Variants in CACNA1C observed in about 807,000 individuals in gnomAD.
CACNA1C encodes calcium voltage-gated channel subunit alpha1 C.
A neutral mutation model predicts 229.0 loss-of-function variants in CACNA1C; 30 were observed. The ratio of observed to expected loss-of-function variants is 0.13; its 90% confidence interval spans 0.10 to 0.18. The LOEUF (loss-of-function observed/expected upper bound fraction) is 0.18. CACNA1C is among the 10% of genes least tolerant of loss of function. The pLI is 1.00. For synonymous variants in CACNA1C, 1,114 were observed against 1,132.5 expected, an observed-to-expected ratio of 0.98 and a Z score of 0.33; for missense variants, 1,658 against 2,845.0, an observed-to-expected ratio of 0.58 and a Z score of 9.49.
chr12:2,238,915 A>G (rs961822438), intron 3 of CACNA1C, among the ~76,000 whole-genome samples: 1 of 152,216 alleles, frequency 6.6e-6, no homozygotes, highest in African/African-American at 2.4e-5. Flanking sequence ...TCCTTGGCTT[A>G]TTAAATGTCT....
chr12:2,071,403 A>T (rs910588027), intron 1 of CACNA1C, among the ~76,000 whole-genome samples: 2 of 151,620 alleles, frequency 1.3e-5, no homozygotes, highest in Non-Finnish European at 2.9e-5. Context: ...TTTTTAGTAG[A>T]GATGAGATGA....
chr12:2,242,605 G>C (rs1371086216), intron 3 of CACNA1C, among the ~76,000 whole-genome samples: 1 of 152,188 alleles, frequency 6.6e-6, no homozygotes, highest in African/African-American at 2.4e-5. Flanking sequence ...CTCTACTTCA[G>C]GGAGTCTTCC....
chr12:2,107,763 C>G (rs2079732897), intron 1 of CACNA1C, among the ~76,000 whole-genome samples: 1 of 152,204 alleles, frequency 6.6e-6, no homozygotes. Context: ...AGAAAATCCA[C>G]CCACCCATCA....
intron 1 of CACNA1C, among the ~76,000 whole-genome samples, chr12:1,990,087 TTAAGG>T (rs1310043591): frequency 6.6e-6 from 1 of 152,246 alleles, no homozygotes; most frequent in Non-Finnish European, 1.5e-5. Flanking sequence ...GGTCTCGAAG[TTAAGG>T]TTTCTTGGTT....
intron 30 of CACNA1C, among the ~76,000 whole-genome samples, chr12:2,642,800 T>G (rs148167629): frequency 2.3e-3 from 344 of 152,358 alleles, no homozygotes; most frequent in African/African-American, 7.9e-3. Context: ...TTGGTTGGTT[T>G]GTTTGAATGA....
intron 3 of CACNA1C, chr12:2,220,672 G>C (rs1003256673): frequency 3.3e-5 from 5 of 152,226 alleles, no homozygotes; most frequent in Non-Finnish European, 5.9e-5. Context: ...AAGGCAGCTG[G>C]TGGTAAGTTT....
intron 13 of CACNA1C, among the ~76,000 whole-genome samples, chr12:2,576,593 C>T (rs918445307): frequency 4.6e-5 from 7 of 152,032 alleles, no homozygotes; most frequent in Admixed American, 3.9e-4. Flanking sequence ...TGCCATTAAC[C>T]CCTCTAGTTT....
intron 1 of CACNA1C, among the ~76,000 whole-genome samples, chr12:2,024,182 C>A (rs2046932838): frequency 6.6e-6 from 1 of 152,188 alleles, no homozygotes; most frequent in Non-Finnish European, 1.5e-5. Context: ...AGCCCTGTGG[C>A]AGAATGATAT....
chr12:2,006,301 G>A (rs1316087282), intron 1 of CACNA1C, among the ~76,000 whole-genome samples: 5 of 152,064 alleles, frequency 3.3e-5, no homozygotes, highest in East Asian at 1.9e-4. Flanking sequence ...CCGGATACTC[G>A]GGAGGCTGAG....
Position 2,679,496 on chromosome 12 carries a change from G to A in CACNA1C, c.5144G>A (p.Arg1715Gln), listed in dbSNP as rs376706496. Reference protein sequence around the residue: ...NHVSYYQSDGRSAFPQTFTTQ... With the variant: ...NHVSYYQSDGQSAFPQTFTTQ... Reference sequence around the variant, plus strand: ...GTCAGCTACTACCAAAGCGACGGCCGGAGCGCCTTCCCCCAGACCTTCACC... The same window carrying A: ...GTCAGCTACTACCAAAGCGACGGCCAGAGCGCCTTCCCCCAGACCTTCACC... The change falls in exon 42 of 47, where the codon CGG (arginine) becomes CAG (glutamine). Residue 1715 changes from arginine (R) to glutamine (Q), a missense_variant. Coordinates refer to ENST00000399655, the MANE Select transcript of CACNA1C (RefSeq NM_000719.7). The surrounding 1 kb of genome is among the most constrained non-coding windows in gnomAD (Gnocchi z 5.5). 2.4e-5 allele frequency: 38 copies of A among 1,607,292 alleles called. No individual in the cohort carries two copies. Among genetic ancestry groups the A allele is most frequent in the South Asian group, 6.6e-5 (6 of 90,582 alleles).
intron 3 of CACNA1C, among the ~76,000 whole-genome samples, chr12:2,192,571 A>C (rs1255726643): frequency 6.6e-6 from 1 of 152,220 alleles, no homozygotes; most frequent in Non-Finnish European, 1.5e-5. Context: ...TGTCGGTTTT[A>C]AGTACTTTTT....
At chr12:2,378,803 TTCCTTCCTTCCTTC>T (rs2098147219) in intron 3 of CACNA1C, among the ~76,000 whole-genome samples, 1 of 138,562 alleles carries the variant, frequency 7.2e-6, no homozygotes, top group Non-Finnish European at 1.6e-5. Flanking sequence ...CCTTCCTTCC[TTCCTTCCTTCCTTC>T]CTCTCTCTCT....
At chr12:1,978,182 G>C (rs1481010499) in intron 1 of CACNA1C, among the ~76,000 whole-genome samples, 1 of 152,150 alleles carries the variant, frequency 6.6e-6, no homozygotes, top group African/African-American at 2.4e-5. Flanking sequence ...CAGAGAAAGG[G>C]GGCATAGCCT....
At chr12:2,658,986 A>T (rs1043208267) in intron 34 of CACNA1C, among the ~76,000 whole-genome samples, 1 of 152,262 alleles carries the variant, frequency 6.6e-6, no homozygotes, top group African/African-American at 2.4e-5. Context: ...AAAAAAATTT[A>T]AAAGTTTATA....
intron 3 of CACNA1C, among the ~76,000 whole-genome samples, chr12:2,266,705 T>G (rs890370795): frequency 2.2e-4 from 34 of 152,204 alleles, no homozygotes; most frequent in African/African-American, 7.7e-4. Context: ...AGGAATGTTA[T>G]AAGGATCAAG....
At chr12:2,423,587 G>A (rs1191270977) in intron 3 of CACNA1C, among the ~76,000 whole-genome samples, 3 of 152,140 alleles carry the variant, frequency 2.0e-5, no homozygotes, top group Non-Finnish European at 2.9e-5. Flanking sequence ...TAGAGTGAGT[G>A]GTAGAGGTGG....
chr12:2,584,730 A>G, intron 16 of CACNA1C, 113 bp downstream of exon 16: 1 of 710,836 alleles, frequency 1.4e-6, no homozygotes, highest in Non-Finnish European at 2.4e-6. Context: ...TCTCCCTCCT[A>G]GGAGGACTCT....
At chr12:2,525,784 T>C (rs2099817632) in intron 9 of CACNA1C, among the ~76,000 whole-genome samples, 1 of 152,366 alleles carries the variant, frequency 6.6e-6, no homozygotes, top group South Asian at 2.1e-4. Context: ...ACAGCTGCAG[T>C]GTTTCCAGAA....
intron 34 of CACNA1C, among the ~76,000 whole-genome samples, chr12:2,662,639 C>T (rs1191030024): frequency 2.0e-5 from 3 of 152,186 alleles, no homozygotes; most frequent in Non-Finnish European, 2.9e-5. Flanking sequence ...ACTGATTCTA[C>T]AGTGTCTATG....
Sources: allele counts gnomAD v4.1 joint callset (sites outside exome capture counted in the v4.1 genomes callset), GRCh38; gene constraint gnomAD v4.1.1; non-coding constraint Gnocchi (gnomAD v3.1); transcripts MANE v1.5; gene names NCBI Gene and HGNC (gene_info 2026-07-23, HGNC 2026-07-21).